The following DNAAF9 variants were observed in gnomAD, a reference collection of about 807,000 sequenced individuals.
DNAAF9 encodes the protein dynein axonemal assembly factor 9.
Under a neutral mutation model 167.0 loss-of-function variants are expected in DNAAF9, and 90 were observed. The ratio of observed to expected loss-of-function variants is 0.54; its 90% confidence interval spans 0.45 to 0.64. The LOEUF (loss-of-function observed/expected upper bound fraction) is 0.64. Among genes scored for constraint, DNAAF9 ranks in the 30% least tolerant of loss-of-function variants. The probability of loss-of-function intolerance (pLI) is 0.00; values close to 1 mark genes in which losing one functional copy is unlikely to be tolerated. For synonymous variants in DNAAF9, 491 were observed against 508.8 expected (o/e 0.96, Z 0.47); for missense variants, 1,315 against 1,442.2 (o/e 0.91, Z 1.43).
chr20:3,265,959 CG>C (rs1180874797), intron 30 of DNAAF9, among the ~76,000 whole-genome samples: 1 of 152,190 alleles, frequency 6.6e-6, no homozygotes, highest in African/African-American at 2.4e-5. Flanking sequence ...GGATTACAGG[CG>C]TGAGTCACTG....
intron 36 of DNAAF9, 86 bp from the exon 37 acceptor site, chr20:3,252,770 G>A: frequency 1.3e-6 from 1 of 799,070 alleles, no homozygotes; most frequent in Non-Finnish European, 2.2e-6. Flanking sequence ...GCAGGTGAGG[G>A]GGGTTTGCTG....
intron 3 of DNAAF9, among the ~76,000 whole-genome samples, chr20:3,378,866 C>CTGGGCGCGGTGGCG (rs1463024812): frequency 6.6e-6 from 1 of 150,766 alleles, no homozygotes. Flanking sequence ...CCACTCTAAG[C>CTGGGCGCGGTGGCG]CCCATGCCTG....
At chr20:3,266,494 T>C (rs1408679309) in intron 30 of DNAAF9, among the ~76,000 whole-genome samples, 5 of 152,188 alleles carry the variant, frequency 3.3e-5, no homozygotes, top group African/African-American at 4.8e-5. Context: ...TTTGAGATGG[T>C]TGAGATGGAG....
chr20:3,297,496 C>T (rs1031031724), intron 22 of DNAAF9, among the ~76,000 whole-genome samples: 1 of 152,242 alleles, frequency 6.6e-6, no homozygotes, highest in African/African-American at 2.4e-5. Context: ...GCTGTAATCA[C>T]ACCTTTCCAA....
intron 21 of DNAAF9, among the ~76,000 whole-genome samples, chr20:3,301,488 C>T (rs915546309): frequency 1.3e-5 from 2 of 151,914 alleles, no homozygotes; most frequent in South Asian, 2.1e-4. Context: ...ACGCCCAGCC[C>T]CTTATCCTGT....
chr20:3,331,156 T>C (rs1859607091), intron 11 of DNAAF9, among the ~76,000 whole-genome samples: 1 of 152,154 alleles, frequency 6.6e-6, no homozygotes, highest in South Asian at 2.1e-4. Flanking sequence ...CCATTCCCAA[T>C]AGCCTCCTGA....
At chr20:3,392,644 ACTCACTG>A (rs1308065015) in intron 1 of DNAAF9, among the ~76,000 whole-genome samples, 2 of 152,146 alleles carry the variant, frequency 1.3e-5, no homozygotes, top group African/African-American at 4.8e-5. Context: ...TAAATAGTTA[ACTCACTG>A]CTCACTGCTT....
chr20:3,311,110 T>C (rs1232561056), intron 20 of DNAAF9, among the ~76,000 whole-genome samples: 17 of 152,302 alleles, frequency 1.1e-4, no homozygotes, highest in Non-Finnish European at 2.4e-4. Flanking sequence ...CTCATAACAG[T>C]ACAGTCTGCA....
At chr20:3,396,724 A>T (rs1600926421) in intron 1 of DNAAF9, among the ~76,000 whole-genome samples, 1 of 152,144 alleles carries the variant, frequency 6.6e-6, no homozygotes, top group Admixed American at 6.6e-5. Flanking sequence ...GTATGGCTGG[A>T]GCAGAGTAGG....
At chr20:3,406,875 C>T (rs2084065829) in intron 1 of DNAAF9, among the ~76,000 whole-genome samples, 1 of 151,956 alleles carries the variant, frequency 6.6e-6, no homozygotes, top group Non-Finnish European at 1.5e-5. Flanking sequence ...GCTGGGGAAA[C>T]GCGCGACAGG....
rs74987625 is a variant in DNAAF9, at chr20:3,287,058, C to T, written c.2486+574G>A. Among the ~76,000 whole-genome samples the T allele has an allele frequency of 2.6e-3, 398 of 152,304 alleles. 4 individuals carry two copies. Among genetic ancestry groups the T allele is most frequent in the East Asian group, 0.017 (89 of 5,172 alleles). ...AGTGGTACAAGCTCTGTCAAACCTG[C>T]CCTCCCGTGTTGCACACTCAAAATA... On this transcript the variant is annotated intron_variant, in intron 27 of 36. Transcript: ENST00000252032.
chr20:3,379,401 C>T lies in DNAAF9; in HGVS notation c.283+1978G>A, dbSNP rs561389060. The stretch of plus-strand genomic sequence containing the variant: ...AAGGCAAGCGGAGTTCAAGACCAGC[C>T]TGGCCAACATGGTGAAATCCCTTTC... On this transcript the variant is annotated intron_variant, in intron 3 of 36. Coordinates refer to ENST00000252032, the MANE Select transcript of DNAAF9 (RefSeq NM_001009984.3). 2.0e-5 allele frequency among the ~76,000 whole-genome samples: 3 copies of T among 152,212 alleles called. No homozygotes were observed. The South Asian group carries it at 6.2e-4, about 32-fold the overall frequency.
chr20:3,316,431 C>T (rs2069501259), intron 18 of DNAAF9, among the ~76,000 whole-genome samples: 1 of 152,218 alleles, frequency 6.6e-6, no homozygotes, highest in Admixed American at 6.5e-5. Flanking sequence ...AACTCCTAAG[C>T]TCAGTTTCCT....
chr20:3,306,597 C>T, intron 20 of DNAAF9, among the ~76,000 whole-genome samples: 1 of 152,298 alleles, frequency 6.6e-6, no homozygotes, highest in South Asian at 2.1e-4. Context: ...GAGCCAGGTA[C>T]AGAACACAGG....
intron 6 of DNAAF9, among the ~76,000 whole-genome samples, chr20:3,373,306 T>C (rs1351828942): frequency 6.6e-6 from 1 of 152,200 alleles, no homozygotes; most frequent in Admixed American, 6.5e-5. Flanking sequence ...ATTTCTAGCA[T>C]GACAATGTTC....
In DNAAF9 at chr20:3,267,515, G is replaced by A. The variant is rs75338133; in HGVS notation, c.2786+2912C>T. ...ATTACTATTCTGGTCCCTTTCAAAG[G>A]AAAATGGTAGGAAATATACATTTTT... On this transcript the variant is annotated intron_variant, in intron 30 of 36. Coordinates refer to ENST00000252032, the MANE Select transcript of DNAAF9 (RefSeq NM_001009984.3). Among the ~76,000 whole-genome samples the A allele has an allele frequency of 4.7e-4, 72 of 152,202 alleles. 2 individuals carry two copies. In the East Asian group the frequency reaches 0.014, roughly 29 times the overall value.
intron 11 of DNAAF9, among the ~76,000 whole-genome samples, 195 bp from the exon 12 acceptor site, chr20:3,330,877 C>T (rs1227262777): frequency 6.6e-6 from 1 of 151,266 alleles, no homozygotes; most frequent in Non-Finnish European, 1.5e-5. Flanking sequence ...CTGCAACCTC[C>T]GCCTCCCAGG....
At chr20:3,292,430 T>C (rs763436720) in intron 25 of DNAAF9, among the ~76,000 whole-genome samples, 1 of 152,220 alleles carries the variant, frequency 6.6e-6, no homozygotes, top group Non-Finnish European at 1.5e-5. Context: ...GAGTATCTTC[T>C]AGACTTGCAT....
intron 6 of DNAAF9, among the ~76,000 whole-genome samples, chr20:3,365,286 A>G: frequency 6.6e-6 from 1 of 152,040 alleles, no homozygotes; most frequent in East Asian, 1.9e-4. Flanking sequence ...CATTTCTTAA[A>G]ATAAGACAAC....
Sources: allele counts gnomAD v4.1 joint callset (sites outside exome capture counted in the v4.1 genomes callset), GRCh38; gene constraint gnomAD v4.1.1; transcripts MANE v1.5; gene names NCBI Gene and HGNC (gene_info 2026-07-23, HGNC 2026-07-21).